Variants in ABCC6 observed in about 807,000 individuals in gnomAD.
ABCC6 encodes ATP-binding cassette sub-family C member 6.
ABCC6 carries 126 observed loss-of-function variants against 169.5 expected under a neutral mutation model. The observed-to-expected ratio is 0.74, with a 90% CI of 0.64 to 0.86. The LOEUF (loss-of-function observed/expected upper bound fraction) is 0.86, where lower values mean the gene tolerates loss of function less well. Ranked by LOEUF, ABCC6 falls within the 40% of genes least tolerant of loss-of-function variation. ABCC6 has a pLI of 0.00. For synonymous variants in ABCC6, 752 were observed against 814.7 expected (o/e 0.92, Z 1.31); for missense variants, 1,733 against 1,927.2 (o/e 0.90, Z 1.89).
At chr16:16,216,176 C>T (rs1295331344) in intron 4 of ABCC6, among the ~76,000 whole-genome samples, 2 of 152,208 alleles carry the variant, frequency 1.3e-5, no homozygotes, top group African/African-American at 2.4e-5. Flanking sequence ...CCTGCCTTGG[C>T]CTCCCAAAGT....
chr16:16,154,128 A>G (rs2046468578), intron 29 of ABCC6, among the ~76,000 whole-genome samples: 1 of 151,756 alleles, frequency 6.6e-6, no homozygotes, highest in Non-Finnish European at 1.5e-5. Flanking sequence ...ACTGTTGTCC[A>G]CAGAGATAGG....
At chr16:16,179,067 G>C in intron 17 of ABCC6, 102 bp from the exon 18 acceptor site, 1 of 1,316,982 alleles carries the variant, frequency 7.6e-7, no homozygotes, top group Non-Finnish European at 1.1e-6. Flanking sequence ...ATCAGGGTGA[G>C]GTACAGCTCA....
intron 17 of ABCC6, among the ~76,000 whole-genome samples, chr16:16,179,241 CTA>C (rs1000459922): frequency 6.6e-6 from 1 of 152,234 alleles, no homozygotes; most frequent in Non-Finnish European, 1.5e-5. Flanking sequence ...CTCACTCTCT[CTA>C]TCTCTTTGAG....
In ABCC6 at chr16:16,176,129, C is replaced by G. The variant is rs930613498; in HGVS notation, c.2591-143G>C. 7 of 763,190 alleles carry G rather than the reference C, an allele frequency of 9.2e-6. No individual in the cohort carries two copies. In the African/African-American group the frequency reaches 1.2e-4, roughly 13 times the overall value. The allele number at this position is 763,190 out of a possible 1,614,324, so 47.3% of individuals were successfully genotyped here. A position where few individuals can be genotyped will look rare whatever the true frequency, so the allele number is the denominator to read the frequency against. Reference sequence around the variant, plus strand: ...CGTCTCCAGCAACCTCTCTCAACACCCCACTCTGAGTTCTTCCAGGAACAT... The same window carrying G: ...CGTCTCCAGCAACCTCTCTCAACACGCCACTCTGAGTTCTTCCAGGAACAT... On this transcript the variant is annotated intron_variant, in intron 19 of 30. Coordinates refer to ENST00000205557, the MANE Select transcript of ABCC6 (RefSeq NM_001171.6).
intron 29 of ABCC6, 128 bp from the exon 30 acceptor site, chr16:16,150,900 A>G (rs1481411074): frequency 2.2e-5 from 34 of 1,514,752 alleles, no homozygotes; most frequent in Non-Finnish European, 2.1e-5. Context: ...ATCCCCACAC[A>G]TGGGGTCTGG....
intron 29 of ABCC6, among the ~76,000 whole-genome samples, chr16:16,153,763 C>T (rs1440986575): frequency 2.0e-5 from 3 of 151,456 alleles, no homozygotes; most frequent in Non-Finnish European, 4.4e-5. Flanking sequence ...GATTACCTGG[C>T]CCTGGTGGCT....
rs376210462 is a variant in ABCC6 at position 16,150,703 on chromosome 16, G to A, written c.4278C>T (p.Asp1426=). The A allele has an allele frequency of 4.8e-4, 781 of 1,613,790 alleles. No homozygotes were observed. The highest frequency in any genetic ancestry group is 6.2e-4 in the Non-Finnish European group (731 of 1,179,998). The change falls in exon 30 of 31, where the codon GAC becomes GAT. Residue 1426 remains aspartate (D), a synonymous_variant. Coordinates refer to ENST00000205557, the MANE Select transcript of ABCC6 (RefSeq NM_001171.6). ...CAGGGTCCACGGCAGCAGTAGCCTC[G>A]TCCAGGATGAGGATCTGGGTCTTCC... ...LLRKTQILIL[D]EATAAVDPGT...
intron 27 of ABCC6, chr16:16,155,391 C>T (rs2046519792): frequency 5.9e-6 from 2 of 337,276 alleles, no homozygotes; most frequent in Non-Finnish European, 5.5e-6. Flanking sequence ...CATCCCTTAT[C>T]CTTTTTTCCA....
At chr16:16,194,062 G>A (rs999370621) in intron 10 of ABCC6, among the ~76,000 whole-genome samples, 2 of 152,170 alleles carry the variant, frequency 1.3e-5, no homozygotes, top group African/African-American at 4.8e-5. Context: ...GGGACTGGGG[G>A]GTGTTCCCAG....
intron 10 of ABCC6, among the ~76,000 whole-genome samples, chr16:16,197,690 G>A (rs2048094963): frequency 2.8e-5 from 4 of 141,352 alleles, no homozygotes; most frequent in Middle Eastern, 3.8e-3. Flanking sequence ...TGCAGGAGGA[G>A]GGAGGGTGCA....
At chr16:16,190,426 A>G in intron 11 of ABCC6, 59 bp from the exon 12 acceptor site, 1 of 1,578,148 alleles carries the variant, frequency 6.3e-7, no homozygotes, top group Admixed American at 1.7e-5. Context: ...TCTTCCCTGC[A>G]CCCTGACAGC....
intron 10 of ABCC6, among the ~76,000 whole-genome samples, chr16:16,193,973 CA>C (rs2047952027): frequency 6.6e-6 from 1 of 152,154 alleles, no homozygotes; most frequent in South Asian, 2.1e-4. Flanking sequence ...TGGGGTCCTT[CA>C]ATGTCAGGGA....
At chr16:16,176,864 G>T (rs2047294956) in intron 19 of ABCC6, among the ~76,000 whole-genome samples, 1 of 152,182 alleles carries the variant, frequency 6.6e-6, no homozygotes. Flanking sequence ...CCTCACAGGG[G>T]CATTATGTTG....
intron 23 of ABCC6, 149 bp downstream of exon 23, chr16:16,165,474 G>C (rs1229539475): frequency 1.3e-6 from 1 of 786,444 alleles, no homozygotes; most frequent in East Asian, 2.7e-5. Flanking sequence ...ATACCAGAAA[G>C]ACTGTAGTGT....
Position 16,150,205 on chromosome 16 carries a change from G to T in ABCC6, c.4440C>A (p.Ser1480Arg). The change falls in exon 31 of 31, where the codon AGC becomes AGA. Residue 1480 changes from serine (S) to arginine (R), a missense_variant. Coordinates refer to ENST00000205557, the MANE Select transcript of ABCC6 (RefSeq NM_001171.6). ...GGGCCAGCAGCTGGGCCGGGCTGCCGCTCTCTGCCACCTGCCCCTTGTCCA... is the reference window on the plus strand; with the variant it reads ...GGGCCAGCAGCTGGGCCGGGCTGCCTCTCTCTGCCACCTGCCCCTTGTCCA... ...LVMDKGQVAE[S>R]GSPAQLLAQK... 1 of 1,613,958 alleles carries T rather than the reference G, an allele frequency of 6.2e-7. No homozygotes were observed.
intron 29 of ABCC6, among the ~76,000 whole-genome samples, chr16:16,154,363 TA>T (rs1211653158): frequency 2.6e-5 from 4 of 152,074 alleles, no homozygotes; most frequent in African/African-American, 9.7e-5. Flanking sequence ...GCAAGAGCAA[TA>T]AAGGCTATCA....
At chr16:16,179,241 C>T (rs2047393186) in intron 17 of ABCC6, among the ~76,000 whole-genome samples, 1 of 152,234 alleles carries the variant, frequency 6.6e-6, no homozygotes, top group South Asian at 2.1e-4. Context: ...CTCACTCTCT[C>T]TATCTCTTTG....
In ABCC6 at chr16:16,161,577, G is replaced by A. The variant is rs1296231503; in HGVS notation, c.3507-13C>T. Reference sequence around the variant, plus strand: ...GGCCGCAAGCCACCTGCAAAGGGAAGCGACAGCAGGGTGAGTGGTTACTCT... The same window carrying A: ...GGCCGCAAGCCACCTGCAAAGGGAAACGACAGCAGGGTGAGTGGTTACTCT... On this transcript the variant is annotated splice_polypyrimidine_tract_variant and intron_variant, in intron 24 of 30. Transcript: ENST00000205557. 1.9e-6 allele frequency: 3 copies of A among 1,613,740 alleles called. No individual in the cohort carries two copies. In the African/African-American group the frequency reaches 4.0e-5, roughly 22 times the overall value.
chr16:16,217,661 A>G (rs2048927470), intron 4 of ABCC6, among the ~76,000 whole-genome samples: 1 of 152,230 alleles, frequency 6.6e-6, no homozygotes, highest in Non-Finnish European at 1.5e-5. Context: ...CCCAGAATGT[A>G]TATGGTCCCA....
Sources: allele counts gnomAD v4.1 joint callset (sites outside exome capture counted in the v4.1 genomes callset), GRCh38; gene constraint gnomAD v4.1.1; transcripts MANE v1.5; gene names NCBI Gene and HGNC (gene_info 2026-07-23, HGNC 2026-07-21).